The following CLMN variants were observed in gnomAD, a reference collection of about 807,000 sequenced individuals.
CLMN encodes the protein calmin, also known as calmin (calponin-like, transmembrane).
In CLMN, 57 loss-of-function variants were observed where a neutral mutation model predicts 92.7. The ratio of observed to expected loss-of-function variants is 0.61; its 90% confidence interval spans 0.50 to 0.77. CLMN has a LOEUF of 0.77. CLMN is among the 30% of genes least tolerant of loss of function. The pLI, the probability that CLMN is intolerant of heterozygous loss-of-function variation, is 0.00. For missense variants in CLMN, 1,158 were observed against 1,237.5 expected, an observed-to-expected ratio of 0.94 and a Z score of 0.96; for synonymous variants, 466 against 470.6, an observed-to-expected ratio of 0.99 and a Z score of 0.13.
At chr14:95,243,698 T>C in intron 1 of CLMN, among the ~76,000 whole-genome samples, 1 of 148,978 alleles carries the variant, frequency 6.7e-6, no homozygotes, top group African/African-American at 2.5e-5. Context: ...CAAATTTTGT[T>C]CAAGGAGAGT....
chr14:95,304,811 G>C (rs990829348), intron 1 of CLMN, among the ~76,000 whole-genome samples: 2 of 151,996 alleles, frequency 1.3e-5, no homozygotes, highest in Non-Finnish European at 2.9e-5. Flanking sequence ...CCAGCAGCCT[G>C]GTCTGACCCT....
Position 95,182,284 on chromosome 14 carries a change from CAT to C in CLMN, c.*9278_*9279del, listed in dbSNP as rs1896345775. Reference sequence around the variant, plus strand: ...AGAGCTCTCAGTAAAAACTTTCAGACATAGTCAATTAAGCCCTGCACAATAAG... The same window carrying C: ...AGAGCTCTCAGTAAAAACTTTCAGACAGTCAATTAAGCCCTGCACAATAAG... On this transcript the variant is annotated 3_prime_UTR_variant, in exon 13 of 13. Coordinates refer to ENST00000298912, the MANE Select transcript of CLMN (RefSeq NM_024734.4). 1 of 152,164 alleles carries C rather than the reference CAT, an allele frequency of 6.6e-6. No homozygotes were observed. The highest frequency in any genetic ancestry group is 2.4e-5 in the African/African-American group (1 of 41,444). The allele number at this position is 152,164 out of a possible 1,614,324, so 9.4% of individuals were successfully genotyped here.
At chr14:95,273,192 C>G in intron 1 of CLMN, among the ~76,000 whole-genome samples, 1 of 152,176 alleles carries the variant, frequency 6.6e-6, no homozygotes, top group East Asian at 1.9e-4. Flanking sequence ...CAGAAAGAGA[C>G]ACCAGCAGGT....
At chr14:95,271,301 T>C (rs1217713719) in intron 1 of CLMN, among the ~76,000 whole-genome samples, 2 of 152,224 alleles carry the variant, frequency 1.3e-5, no homozygotes, top group Admixed American at 1.3e-4. Flanking sequence ...CAAGAGTTTT[T>C]AATTTTGATG....
chr14:95,274,325 C>T (rs909315729), intron 1 of CLMN, among the ~76,000 whole-genome samples: 2 of 152,070 alleles, frequency 1.3e-5, no homozygotes, highest in African/African-American at 4.8e-5. Context: ...TCTAACCACA[C>T]CTTATGAACT....
At chr14:95,311,676 C>G (rs1454709903) in intron 1 of CLMN, among the ~76,000 whole-genome samples, 3 of 152,244 alleles carry the variant, frequency 2.0e-5, no homozygotes, top group African/African-American at 7.2e-5. Context: ...TGGGACGCAC[C>G]ATCCTGCATG....
rs1482594847 is a variant in CLMN at position 95,259,401 on chromosome 14, T to G, written c.83-29268A>C. ...TTGGGCACCAGAACGGAGAAGGAAA[T>G]GTGCGTGGACAAACCTCCGGGTTAC... On this transcript the variant is annotated intron_variant, in intron 1 of 12. Transcript: ENST00000298912. This position sits in a 1 kb window ranked among gnomAD's most constrained non-coding sequence, Gnocchi z 4.3. Among the ~76,000 whole-genome samples, 1 of 152,052 alleles carries G rather than the reference T, an allele frequency of 6.6e-6. No homozygotes were observed. Among genetic ancestry groups the G allele is most frequent in the Non-Finnish European group, 1.5e-5 (1 of 67,990 alleles).
intron 1 of CLMN, among the ~76,000 whole-genome samples, chr14:95,302,794 C>T (rs1901114519): frequency 6.6e-6 from 1 of 152,238 alleles, no homozygotes; most frequent in Non-Finnish European, 1.5e-5. Context: ...CATAATTTGG[C>T]TAAAGCGCTG....
intron 1 of CLMN, among the ~76,000 whole-genome samples, chr14:95,287,127 T>C (rs1595096892): frequency 6.6e-6 from 1 of 152,194 alleles, no homozygotes; most frequent in Non-Finnish European, 1.5e-5. Flanking sequence ...TCCTGTGAAT[T>C]TGCACAGAGG....
chr14:95,214,021 TTC>T (rs1897264228), intron 5 of CLMN, among the ~76,000 whole-genome samples: 1 of 152,014 alleles, frequency 6.6e-6, no homozygotes, highest in South Asian at 2.1e-4. Flanking sequence ...CTGGTGTCAC[TTC>T]TTCCAGGAAG....
At chr14:95,291,215 G>A (rs1229150770) in intron 1 of CLMN, among the ~76,000 whole-genome samples, 1 of 152,228 alleles carries the variant, frequency 6.6e-6, no homozygotes, top group African/African-American at 2.4e-5. Context: ...GCTGAGCCTG[G>A]GCGTGAGCCT....
chr14:95,222,016 C>T (rs941505269), intron 3 of CLMN, among the ~76,000 whole-genome samples: 1 of 152,164 alleles, frequency 6.6e-6, no homozygotes, highest in Non-Finnish European at 1.5e-5. Flanking sequence ...GGATTTAACT[C>T]GCTGAAGTTG....
chr14:95,205,827 A>G (rs1897031744), intron 8 of CLMN, among the ~76,000 whole-genome samples: 1 of 152,212 alleles, frequency 6.6e-6, no homozygotes, highest in African/African-American at 2.4e-5. Context: ...TGATGTGGTT[A>G]AAAAACCAAT....
intron 1 of CLMN, among the ~76,000 whole-genome samples, chr14:95,283,980 C>CA (rs1027186576): frequency 3.3e-5 from 5 of 152,214 alleles, no homozygotes; most frequent in African/African-American, 1.2e-4. Context: ...CAGAGACCTT[C>CA]ATGGCAGCCC....
Position 95,194,678 on chromosome 14 carries a change from T to C in CLMN, c.2709-82A>G. 1 of 1,324,666 alleles carries C rather than the reference T, an allele frequency of 7.5e-7. No individual in the cohort carries two copies. The highest frequency in any genetic ancestry group is 1.1e-6 in the Non-Finnish European group (1 of 917,178). The allele number at this position is 1,324,666 out of a possible 1,614,324, so 82.1% of individuals were successfully genotyped here. A position where few individuals can be genotyped will look rare whatever the true frequency, so the allele number is the denominator to read the frequency against. On this transcript the variant is annotated intron_variant, in intron 10 of 12. Coordinates refer to ENST00000298912, the MANE Select transcript of CLMN (RefSeq NM_024734.4). The surrounding 1 kb of genome is among the most constrained non-coding windows in gnomAD (Gnocchi z 4.0). Reference sequence around the variant, plus strand: ...TTGTACGGTCACCCCCATCCTGGGGTTTCCACGTATGGGTTTAGGCAAGCG... The same window carrying C: ...TTGTACGGTCACCCCCATCCTGGGGCTTCCACGTATGGGTTTAGGCAAGCG...
intron 1 of CLMN, among the ~76,000 whole-genome samples, chr14:95,237,147 G>C (rs1898082541): frequency 6.6e-6 from 1 of 152,218 alleles, no homozygotes; most frequent in African/African-American, 2.4e-5. Flanking sequence ...GGCTGTTGAA[G>C]AGACAATGAA....
intron 1 of CLMN, among the ~76,000 whole-genome samples, chr14:95,263,157 T>C (rs1899325715): frequency 6.6e-6 from 1 of 152,206 alleles, no homozygotes; most frequent in Non-Finnish European, 1.5e-5. Flanking sequence ...CAGTTCAGTA[T>C]GGCGGAGGAG....
intron 6 of CLMN, among the ~76,000 whole-genome samples, chr14:95,211,240 G>C (rs1194033418): frequency 6.6e-6 from 1 of 152,214 alleles, no homozygotes; most frequent in Non-Finnish European, 1.5e-5. Flanking sequence ...ACACAAGTTT[G>C]TACCTCAGCT....
intron 2 of CLMN, among the ~76,000 whole-genome samples, chr14:95,228,581 A>G (rs923733249): frequency 2.6e-5 from 4 of 152,208 alleles, no homozygotes; most frequent in African/African-American, 9.6e-5. Context: ...TAAAAGCCAC[A>G]TTTATTTTCT....
Sources: allele counts gnomAD v4.1 joint callset (sites outside exome capture counted in the v4.1 genomes callset), GRCh38; gene constraint gnomAD v4.1.1; non-coding constraint Gnocchi (gnomAD v3.1); transcripts MANE v1.5; gene names NCBI Gene and HGNC (gene_info 2026-07-23, HGNC 2026-07-21).